HPSE2: variants seen among roughly 807,000 people sequenced by gnomAD.
HPSE2 encodes inactive heparanase-2.
In HPSE2, 38 loss-of-function variants were observed where a neutral mutation model predicts 60.5. That is an observed-to-expected ratio of 0.63 (90% CI 0.48 to 0.82). The LOEUF is 0.82. HPSE2 is among the 40% of genes least tolerant of loss of function. The pLI, the probability that HPSE2 is intolerant of heterozygous loss-of-function variation, is 0.00. For missense variants in HPSE2, 713 were observed against 740.4 expected, an observed-to-expected ratio of 0.96 and a Z score of 0.43; for synonymous variants, 295 against 293.2, an observed-to-expected ratio of 1.01 and a Z score of -0.06.
chr10:98,840,889 T>C (rs1006064770), intron 3 of HPSE2, among the ~76,000 whole-genome samples: 8 of 152,204 alleles, frequency 5.3e-5, no homozygotes, highest in Non-Finnish European at 8.8e-5. Context: ...ATACACAGCA[T>C]TGGATTATTC....
intron 3 of HPSE2, among the ~76,000 whole-genome samples, chr10:98,865,523 G>C (rs1213854615): frequency 6.6e-6 from 1 of 152,052 alleles, no homozygotes; most frequent in African/African-American, 2.4e-5. Context: ...AAGGAGCTTA[G>C]TAAGCTCCTT....
chr10:98,765,940 A>T (rs1950110174), intron 3 of HPSE2, among the ~76,000 whole-genome samples: 1 of 152,096 alleles, frequency 6.6e-6, no homozygotes, highest in Non-Finnish European at 1.5e-5. Context: ...TAAAGCAAGC[A>T]GAAAGAAATA....
At chr10:99,000,147 T>C (rs143269371) in intron 3 of HPSE2, among the ~76,000 whole-genome samples, 1 of 152,214 alleles carries the variant, frequency 6.6e-6, no homozygotes, top group African/African-American at 2.4e-5. Context: ...AGAGAATCAT[T>C]AGAACTTGTT....
chr10:98,914,992 A>C (rs906429768), intron 3 of HPSE2, among the ~76,000 whole-genome samples: 3 of 151,942 alleles, frequency 2.0e-5, no homozygotes, highest in African/African-American at 7.3e-5. Context: ...ACCATTTAGA[A>C]AGTCATATGC....
intron 2 of HPSE2, among the ~76,000 whole-genome samples, chr10:99,219,410 A>T (rs1849237878): frequency 6.6e-6 from 1 of 151,966 alleles, no homozygotes; most frequent in African/African-American, 2.4e-5. Context: ...CCAGGAGTAA[A>T]CTCACCCTTG....
intron 3 of HPSE2, among the ~76,000 whole-genome samples, chr10:99,001,452 T>C (rs956057314): frequency 6.6e-5 from 10 of 152,108 alleles, no homozygotes; most frequent in Non-Finnish European, 1.3e-4. Flanking sequence ...TTCCATGAGG[T>C]AGTCCTAGTG....
chr10:99,212,149 T>C (rs2133910673), intron 2 of HPSE2, among the ~76,000 whole-genome samples: 1 of 152,246 alleles, frequency 6.6e-6, no homozygotes, highest in East Asian at 1.9e-4. Context: ...TCTGTTAGAA[T>C]AGCTATTATC....
chr10:98,687,365 A>T (rs191202345), intron 6 of HPSE2, among the ~76,000 whole-genome samples: 1 of 152,308 alleles, frequency 6.6e-6, no homozygotes, highest in African/African-American at 2.4e-5. Flanking sequence ...TTGTAGGTCA[A>T]GTCCTGCTAA....
intron 2 of HPSE2, among the ~76,000 whole-genome samples, chr10:99,165,279 G>A (rs1847030750): frequency 6.6e-6 from 1 of 151,862 alleles, no homozygotes; most frequent in African/African-American, 2.4e-5. Flanking sequence ...ACAGTACAGT[G>A]CTGCATACTT....
At chr10:99,094,674 A>G (rs1048548390) in intron 3 of HPSE2, among the ~76,000 whole-genome samples, 1 of 146,548 alleles carries the variant, frequency 6.8e-6, no homozygotes, top group African/African-American at 2.6e-5. Context: ...CTCCTGCCTC[A>G]GCCTCTGGAG....
At chr10:99,060,872 C>G (rs1382793514) in intron 3 of HPSE2, among the ~76,000 whole-genome samples, 1 of 151,932 alleles carries the variant, frequency 6.6e-6, no homozygotes, top group Admixed American at 6.6e-5. Context: ...TTCTCACTTA[C>G]TTGTGCGAAC....
intron 3 of HPSE2, among the ~76,000 whole-genome samples, chr10:99,004,087 T>G (rs1050835263): frequency 6.6e-6 from 1 of 152,098 alleles, no homozygotes; most frequent in Non-Finnish European, 1.5e-5. Context: ...TGTTTCCATT[T>G]GAATGGAATA....
At chr10:98,484,675 T>C (rs1307240181) in intron 10 of HPSE2, among the ~76,000 whole-genome samples, 1 of 152,238 alleles carries the variant, frequency 6.6e-6, no homozygotes, top group African/African-American at 2.4e-5. Flanking sequence ...TAAAAAACTT[T>C]TATGTAGTCA....
chr10:99,021,428 T>C (rs1207007960), intron 3 of HPSE2, among the ~76,000 whole-genome samples: 1 of 152,152 alleles, frequency 6.6e-6, no homozygotes, highest in Non-Finnish European at 1.5e-5. Context: ...GAGCCGGGAT[T>C]TAAATATAAA....
At chr10:98,960,739 TA>T (rs1355936013) in intron 3 of HPSE2, among the ~76,000 whole-genome samples, 1,130 of 41,568 alleles carry the variant, frequency 0.027, 10 homozygotes, top group African/African-American at 0.11. Flanking sequence ...TTTTTTATTT[TA>T]TTTTTTTTTT....
Position 98,599,329 on chromosome 10 carries a change from C to T in HPSE2, c.1320+15575G>A, listed in dbSNP as rs539849838. Among the ~76,000 whole-genome samples the T allele has an allele frequency of 4.6e-5, 7 of 152,262 alleles. No homozygotes were observed. The East Asian group carries it at 7.7e-4, about 17-fold the overall frequency. On this transcript the variant is annotated intron_variant, in intron 9 of 11. Coordinates refer to ENST00000370552, the MANE Select transcript of HPSE2 (RefSeq NM_021828.5). ...TGGCCAGCCTGAAGGCTGAATTGAA[C>T]GGTGCTATCCTGATGGCTAAGACTG...
intron 3 of HPSE2, among the ~76,000 whole-genome samples, chr10:98,989,593 A>C (rs921546489): frequency 6.6e-6 from 1 of 151,812 alleles, no homozygotes; most frequent in African/African-American, 2.4e-5. Flanking sequence ...ACATGTATAC[A>C]TATGTAACAA....
chr10:99,078,929 A>T (rs1843037781), intron 3 of HPSE2, among the ~76,000 whole-genome samples: 1 of 152,238 alleles, frequency 6.6e-6, no homozygotes, highest in East Asian at 1.9e-4. Context: ...CATCAAGATT[A>T]TGCTGGGTCC....
intron 9 of HPSE2, among the ~76,000 whole-genome samples, chr10:98,603,586 T>C (rs1240314454): frequency 2.0e-5 from 3 of 151,766 alleles, no homozygotes; most frequent in Admixed American, 6.6e-5. Flanking sequence ...CACACCACCA[T>C]GCCAGGCTAA....
Sources: allele counts gnomAD v4.1 joint callset (sites outside exome capture counted in the v4.1 genomes callset), GRCh38; gene constraint gnomAD v4.1.1; transcripts MANE v1.5; gene names NCBI Gene and HGNC (gene_info 2026-07-23, HGNC 2026-07-21).